The following MBNL2 variants were observed in gnomAD, a reference collection of about 807,000 sequenced individuals.
MBNL2 encodes the protein muscleblind like splicing regulator 2.
MBNL2 carries 17 observed loss-of-function variants against 41.9 expected under a neutral mutation model. The ratio of observed to expected loss-of-function variants is 0.41; its 90% confidence interval spans 0.28 to 0.61. The LOEUF is 0.61. Ranked by LOEUF, MBNL2 falls within the 20% of genes least tolerant of loss-of-function variation. The probability of loss-of-function intolerance (pLI) is 0.35; values close to 1 mark genes in which losing one functional copy is unlikely to be tolerated. For missense variants in MBNL2, 336 were observed against 505.6 expected, an observed-to-expected ratio of 0.66 and a Z score of 3.22; for synonymous variants, 195 against 182.9, an observed-to-expected ratio of 1.07 and a Z score of -0.53.
rs34389348 is a variant in MBNL2 at position 97,388,314 on chromosome 13, C to CATATATATATATATAT, written c.1049-3001_1049-2986dup. On this transcript the variant is annotated intron_variant, in intron 8 of 8. Coordinates refer to ENST00000679496, the MANE Select transcript of MBNL2 (RefSeq NM_001382683.1). Reference sequence around the variant, plus strand: ...AAAAGTTTATACATATACATACATACATATATATATATATATATATATCAT... The same window carrying CATATATATATATATAT: ...AAAAGTTTATACATATACATACATACATATATATATATATATATATATATATATATATATATATCAT... Among the ~76,000 whole-genome samples the CATATATATATATATAT allele has an allele frequency of 5.9e-4, 82 of 139,704 alleles. 1 individual carries two copies. Among genetic ancestry groups the CATATATATATATATAT allele is most frequent in the African/African-American group, 2.1e-3 (78 of 37,562 alleles). The allele number at this position is 139,704 out of a possible 152,430, so 91.7% of individuals were successfully genotyped here.
At chr13:97,247,480 C>G (rs567275727) in intron 1 of MBNL2, among the ~76,000 whole-genome samples, 1 of 152,168 alleles carries the variant, frequency 6.6e-6, no homozygotes, top group African/African-American at 2.4e-5. Flanking sequence ...TAAACATGAA[C>G]CCCGACATAG....
chr13:97,390,043 A>G (rs2066276754), intron 8 of MBNL2, among the ~76,000 whole-genome samples: 1 of 152,174 alleles, frequency 6.6e-6, no homozygotes, highest in Non-Finnish European at 1.5e-5. Flanking sequence ...AAGACAAGGA[A>G]TGCTATTTTT....
the MBNL2 span, among the ~76,000 whole-genome samples, chr13:97,213,323 C>T: frequency 9.2e-5 from 14 of 152,084 alleles, no homozygotes; most frequent in Admixed American, 3.3e-4. Context: ...GAAAAAAAAA[C>T]CATTTTACCT....
chr13:97,246,275 TCA>T (rs34830044), intron 1 of MBNL2, among the ~76,000 whole-genome samples: 10,907 of 145,274 alleles, frequency 0.075, 492 homozygotes, highest in Admixed American at 0.13. Context: ...TACTGTTATT[TCA>T]CACACACACA....
chr13:97,264,838 C>T (rs1334321987), intron 1 of MBNL2, among the ~76,000 whole-genome samples: 1 of 152,206 alleles, frequency 6.6e-6, no homozygotes, highest in African/African-American at 2.4e-5. Flanking sequence ...GAAGTTCTAA[C>T]AAAGAGTTCT....
intron 7 of MBNL2, among the ~76,000 whole-genome samples, chr13:97,359,314 C>T (rs1024408895): frequency 2.6e-5 from 4 of 151,026 alleles, no homozygotes; most frequent in Non-Finnish European, 5.9e-5. Context: ...AGGGGAAAAA[C>T]GTAAAAGGAG....
intron 1 of MBNL2, among the ~76,000 whole-genome samples, chr13:97,234,214 A>G (rs2042885831): frequency 6.6e-6 from 1 of 152,182 alleles, no homozygotes; most frequent in Non-Finnish European, 1.5e-5. Context: ...TGCACTCTTC[A>G]TCCTTGTTCA....
the MBNL2 span, among the ~76,000 whole-genome samples, chr13:97,187,593 TAAAAAAAA>T: frequency 4.5e-3 from 231 of 51,492 alleles, 1 homozygote; most frequent in African/African-American, 0.011. Context: ...CTATGCAGCT[TAAAAAAAA>T]AAAAAAAAAA....
At chr13:97,317,158 A>G (rs1169602366) in intron 2 of MBNL2, among the ~76,000 whole-genome samples, 1 of 152,148 alleles carries the variant, frequency 6.6e-6, no homozygotes, top group Non-Finnish European at 1.5e-5. Flanking sequence ...GGAGATGCCA[A>G]GCTTTGTGAT....
At chr13:97,224,486 A>G (rs1256372046) in intron 1 of MBNL2, among the ~76,000 whole-genome samples, 1 of 152,158 alleles carries the variant, frequency 6.6e-6, no homozygotes, top group Non-Finnish European at 1.5e-5. Flanking sequence ...GGAGTTCCCA[A>G]AGCTAATTTG....
chr13:97,313,125 C>CT (rs1315721430), intron 2 of MBNL2, among the ~76,000 whole-genome samples: 2 of 152,138 alleles, frequency 1.3e-5, no homozygotes, highest in Admixed American at 1.3e-4. Context: ...AAGTCAATTC[C>CT]TCTAGACCTC....
Position 97,366,804 on chromosome 13 carries a change from G to C in MBNL2, c.1048+1633G>C. 1.9e-6 allele frequency: 1 copy of C among 527,458 alleles called. No homozygotes were observed. Among genetic ancestry groups the C allele is most frequent in the Admixed American group, 3.2e-5 (1 of 31,734 alleles). The allele number at this position is 527,458 out of a possible 1,614,324, so 32.7% of individuals were successfully genotyped here. A position where few individuals can be genotyped will look rare whatever the true frequency, so the allele number is the denominator to read the frequency against. ...GTACCTAATATTGTGTAATTAACCT[G>C]ACAGGCTTAAATTCCTTTTAGTACA... On this transcript the variant is annotated intron_variant, in intron 8 of 8. Transcript: ENST00000679496. The surrounding 1 kb of genome is among the most constrained non-coding windows in gnomAD (Gnocchi z 4.7).
intron 2 of MBNL2, among the ~76,000 whole-genome samples, chr13:97,326,283 A>C (rs1354132493): frequency 6.6e-6 from 1 of 152,172 alleles, no homozygotes; most frequent in African/African-American, 2.4e-5. Context: ...GTCTACCACT[A>C]TTTGTGTTTT....
chr13:97,205,506 T>C, the MBNL2 span, among the ~76,000 whole-genome samples: 1 of 152,232 alleles, frequency 6.6e-6, no homozygotes, highest in Non-Finnish European at 1.5e-5. Context: ...TTCTCTAATG[T>C]TCCTTCTTAG....
intron 1 of MBNL2, among the ~76,000 whole-genome samples, chr13:97,245,033 A>T (rs976287562): frequency 1.3e-5 from 2 of 152,218 alleles, no homozygotes; most frequent in African/African-American, 4.8e-5. Context: ...TATAAGTAAG[A>T]TTACAGGTAT....
chr13:97,206,209 TAC>T, the MBNL2 span, among the ~76,000 whole-genome samples: 1 of 152,218 alleles, frequency 6.6e-6, no homozygotes, highest in African/African-American at 2.4e-5. Flanking sequence ...TCGTGATTTC[TAC>T]AGTTCTGATC....
intron 2 of MBNL2, among the ~76,000 whole-genome samples, chr13:97,314,241 C>A (rs2058846979): frequency 6.6e-6 from 1 of 152,168 alleles, no homozygotes; most frequent in Admixed American, 6.5e-5. Context: ...CTCCTCTCCC[C>A]AGAAGCTATC....
the MBNL2 span, among the ~76,000 whole-genome samples, chr13:97,202,318 T>C: frequency 2.6e-5 from 4 of 152,198 alleles, no homozygotes; most frequent in South Asian, 6.2e-4. Context: ...AAGTTAACTT[T>C]AACAAACACT....
chr13:97,286,928 G>A (rs930129639), intron 2 of MBNL2, among the ~76,000 whole-genome samples: 5 of 152,170 alleles, frequency 3.3e-5, no homozygotes, highest in Non-Finnish European at 5.9e-5. Flanking sequence ...GGCAGGGACC[G>A]CGTTGTTGTA....
Sources: gnomAD v4.1 joint callset for allele counts (sites outside exome capture counted in the v4.1 genomes callset) on GRCh38, gnomAD v4.1.1 for gene constraint, Gnocchi (gnomAD v3.1) non-coding constraint, MANE v1.5 for transcripts, NCBI Gene and HGNC (gene_info 2026-07-23, HGNC 2026-07-21) for gene names.